TTC27: variants seen among roughly 807,000 people sequenced by gnomAD.
TTC27 encodes tetratricopeptide repeat protein 27.
A neutral mutation model predicts 115.9 loss-of-function variants in TTC27; 79 were observed. The observed-to-expected ratio is 0.68, with a 90% CI of 0.57 to 0.82. The LOEUF (loss-of-function observed/expected upper bound fraction) is 0.82. Among genes scored for constraint, TTC27 ranks in the 40% least tolerant of loss-of-function variants. The pLI, the probability that TTC27 is intolerant of heterozygous loss-of-function variation, is 0.00. For missense variants in TTC27, 1,054 were observed against 993.1 expected (o/e 1.06, Z -0.82); for synonymous variants, 401 against 356.0 (o/e 1.13, Z -1.42).
At chr2:32,714,488 C>T (rs1418526906) in intron 10 of TTC27, among the ~76,000 whole-genome samples, 1 of 152,142 alleles carries the variant, frequency 6.6e-6, no homozygotes, top group Non-Finnish European at 1.5e-5. Context: ...ATTTAGTCTA[C>T]TGTTGATGGG....
chr2:32,811,442 G>A (rs930240334), intron 17 of TTC27, among the ~76,000 whole-genome samples: 1 of 152,172 alleles, frequency 6.6e-6, no homozygotes, highest in Non-Finnish European at 1.5e-5. Context: ...TTCTTACATA[G>A]TTGTTCCCTG....
At chr2:32,747,531 A>G (rs903869568) in intron 12 of TTC27, among the ~76,000 whole-genome samples, 2 of 152,238 alleles carry the variant, frequency 1.3e-5, no homozygotes, top group Admixed American at 1.3e-4. Flanking sequence ...TACTTGATGT[A>G]CAGTTTCTAC....
In TTC27 at chr2:32,640,196, T is replaced by C. The variant is rs184205578; in HGVS notation, c.397-74T>C. 36 of 1,391,808 alleles carry C rather than the reference T, an allele frequency of 2.6e-5. No homozygotes were observed. The East Asian group carries it at 8.7e-4, about 34-fold the overall frequency. The allele number at this position is 1,391,808 out of a possible 1,614,324, so 86.2% of individuals were successfully genotyped here. ...AAAGCTGAGTTGACTGGAAAATCTT[T>C]GTATTATTACAAGACATATAAAGAT... On this transcript the variant is annotated intron_variant, in intron 3 of 19. Transcript: ENST00000317907.
chr2:32,768,706 G>A (rs530530829), intron 13 of TTC27, among the ~76,000 whole-genome samples: 2 of 152,308 alleles, frequency 1.3e-5, no homozygotes, highest in East Asian at 3.9e-4. Flanking sequence ...TGAATATCAT[G>A]GGTGAGTTAT....
chr2:32,725,786 C>T (rs1352648542), intron 10 of TTC27, among the ~76,000 whole-genome samples: 1 of 152,230 alleles, frequency 6.6e-6, no homozygotes, highest in Non-Finnish European at 1.5e-5. Context: ...CTGCACTGCC[C>T]TAGCTGAGGT....
intron 16 of TTC27, among the ~76,000 whole-genome samples, chr2:32,796,568 A>G (rs1003514477): frequency 6.6e-6 from 1 of 152,216 alleles, no homozygotes; most frequent in Non-Finnish European, 1.5e-5. Flanking sequence ...AATTCCTAGA[A>G]ACTCAAAGCC....
chr2:32,697,617 G>C (rs1204795280), intron 9 of TTC27, among the ~76,000 whole-genome samples: 1 of 152,158 alleles, frequency 6.6e-6, no homozygotes, highest in Non-Finnish European at 1.5e-5. Flanking sequence ...TTTTGGAGGT[G>C]GTTGGTCAAC....
At chr2:32,686,402 G>A (rs114583844) in intron 9 of TTC27, among the ~76,000 whole-genome samples, 1,913 of 152,076 alleles carry the variant, frequency 0.013, 43 homozygotes, top group African/African-American at 0.044. Flanking sequence ...GTCTTACTCT[G>A]TTACCCAGGC....
chr2:32,808,358 C>T (rs1396239594), intron 16 of TTC27, among the ~76,000 whole-genome samples: 1 of 152,206 alleles, frequency 6.6e-6, no homozygotes, highest in African/African-American at 2.4e-5. Flanking sequence ...TCTATTCCTC[C>T]AATGTGGAAC....
intron 12 of TTC27, among the ~76,000 whole-genome samples, chr2:32,745,005 G>A (rs539620840): frequency 1.7e-5 from 2 of 121,074 alleles, no homozygotes; most frequent in African/African-American, 3.2e-5. Context: ...CCAAGATCAC[G>A]CCACTGCACT....
intron 10 of TTC27, among the ~76,000 whole-genome samples, chr2:32,717,203 A>C (rs138351922): frequency 3.3e-5 from 5 of 150,644 alleles, no homozygotes; most frequent in Non-Finnish European, 7.4e-5. Context: ...CAAACTTCTG[A>C]CCTCAAGTGA....
At chr2:32,799,815 G>T (rs2148034899) in intron 16 of TTC27, among the ~76,000 whole-genome samples, 3 of 152,294 alleles carry the variant, frequency 2.0e-5, no homozygotes, top group Middle Eastern at 6.8e-3. Flanking sequence ...AAATCTGTGG[G>T]ATAAAAATAG....
intron 10 of TTC27, among the ~76,000 whole-genome samples, chr2:32,726,269 G>A (rs140383404): frequency 0.011 from 1,697 of 152,238 alleles, 19 homozygotes; most frequent in Admixed American, 0.033. Flanking sequence ...CTTTTCTATC[G>A]CATTGGCAGG....
intron 13 of TTC27, among the ~76,000 whole-genome samples, chr2:32,773,290 G>C (rs1035077227): frequency 1.3e-5 from 2 of 152,164 alleles, no homozygotes; most frequent in Non-Finnish European, 2.9e-5. Context: ...CTCTCTATCA[G>C]GTGATTATCT....
At chr2:32,745,435 T>G (rs966950675) in intron 12 of TTC27, among the ~76,000 whole-genome samples, 1 of 152,152 alleles carries the variant, frequency 6.6e-6, no homozygotes, top group African/African-American at 2.4e-5. Flanking sequence ...GTCATGTGCC[T>G]TCTGCCATCT....
chr2:32,636,700 T>C (rs1388128150), intron 3 of TTC27, among the ~76,000 whole-genome samples: 1 of 152,180 alleles, frequency 6.6e-6, no homozygotes, highest in African/African-American at 2.4e-5. Context: ...TAAATTCAGG[T>C]AGCAAATCAA....
chr2:32,774,497 A>T (rs1669932504), intron 13 of TTC27, among the ~76,000 whole-genome samples: 1 of 152,136 alleles, frequency 6.6e-6, no homozygotes, highest in African/African-American at 2.4e-5. Context: ...AGAAAATATA[A>T]TGAGGCTACT....
chr2:32,736,692 A>G lies in TTC27; in HGVS notation c.1330-2A>G. 1 of 1,613,706 alleles carries G rather than the reference A, an allele frequency of 6.2e-7. No individual in the cohort carries two copies. Among genetic ancestry groups the G allele is most frequent in the Non-Finnish European group, 8.5e-7 (1 of 1,179,798 alleles). On this transcript the variant is annotated splice_acceptor_variant, in intron 11 of 19. Coordinates refer to ENST00000317907, the MANE Select transcript of TTC27 (RefSeq NM_017735.5). LOFTEE classifies it high-confidence loss of function. ...TTAATTATTTTTACTTGATTTTTCT[A>G]GCGCCAACTTGCAAGTTTGCTCTTT... is the stretch of plus-strand genomic sequence containing the variant.
intron 10 of TTC27, among the ~76,000 whole-genome samples, chr2:32,717,615 T>A (rs906559105): frequency 2.0e-5 from 3 of 152,252 alleles, no homozygotes; most frequent in African/African-American, 7.2e-5. Flanking sequence ...TAAATTTGTG[T>A]CTTTGTGAAA....
Sources: gnomAD v4.1 joint callset for allele counts (sites outside exome capture counted in the v4.1 genomes callset) on GRCh38, gnomAD v4.1.1 for gene constraint, MANE v1.5 for transcripts, NCBI Gene and HGNC (gene_info 2026-07-23, HGNC 2026-07-21) for gene names.